Variants in SDF2 observed in about 807,000 individuals in gnomAD.
SDF2 encodes stromal cell derived factor 2.
Under a neutral mutation model 20.5 loss-of-function variants are expected in SDF2, and 12 were observed. The ratio of observed to expected loss-of-function variants is 0.58; its 90% CI spans 0.37 to 0.95. SDF2 has a LOEUF of 0.95. Among genes scored for constraint, SDF2 ranks in the 40% least tolerant of loss-of-function variants. The probability of loss-of-function intolerance (pLI) is 0.01; values close to 1 mark genes in which losing one functional copy is unlikely to be tolerated. For synonymous variants in SDF2, 100 were observed against 101.0 expected (o/e 0.99, Z 0.06); for missense variants, 238 against 263.1 (o/e 0.90, Z 0.66).
Position 28,656,582 on chromosome 17 carries a change from C to T in SDF2, c.152-1099G>A, listed in dbSNP as rs149652369. 1.0e-3 allele frequency among the ~76,000 whole-genome samples: 153 copies of T among 151,844 alleles called. No homozygotes were observed. In the East Asian group the frequency reaches 0.026, roughly 26 times the overall value. On this transcript the variant is annotated intron_variant, in intron 1 of 2. Transcript: ENST00000247020. Reference sequence around the variant, plus strand: ...CAGCCTGGATGACAGAGCCAGACTCCGTCTCAAAAAAAATAAATAAATAAA... The same window carrying T: ...CAGCCTGGATGACAGAGCCAGACTCTGTCTCAAAAAAAATAAATAAATAAA...
At chr17:28,653,925 TA>T (rs1328619987) in intron 2 of SDF2, among the ~76,000 whole-genome samples, 2 of 152,062 alleles carry the variant, frequency 1.3e-5, no homozygotes, top group African/African-American at 4.8e-5. Flanking sequence ...CCTTCGAAGG[TA>T]AGATATTAAT....
chr17:28,660,071 T>C (rs767154495), intron 1 of SDF2, among the ~76,000 whole-genome samples: 11 of 152,250 alleles, frequency 7.2e-5, no homozygotes, highest in Non-Finnish European at 1.2e-4. Flanking sequence ...AAACCCCGTC[T>C]CCACCAAAAA....
At chr17:28,649,800 A>G (rs2151580429) in intron 2 of SDF2, among the ~76,000 whole-genome samples, 1 of 150,386 alleles carries the variant, frequency 6.6e-6, no homozygotes, top group South Asian at 2.1e-4. Flanking sequence ...TATGGTACCC[A>G]GCTACTACAG....
chr17:28,655,053 C>T (rs1377190922), intron 2 of SDF2, among the ~76,000 whole-genome samples: 1 of 152,148 alleles, frequency 6.6e-6, no homozygotes, highest in Non-Finnish European at 1.5e-5. Flanking sequence ...TTGCTTGAAC[C>T]CAGAGGCGGA....
chr17:28,661,744 C>T lies in SDF2; in HGVS notation c.133G>A (p.Asp45Asn). 1 of 1,613,888 alleles carries T rather than the reference C, an allele frequency of 6.2e-7. No homozygotes were observed. Among genetic ancestry groups the T allele is most frequent in the South Asian group, 1.1e-5 (1 of 91,084 alleles). The change falls in exon 1 of 3, where the codon GAC becomes AAC. Residue 45 changes from aspartate (D) to asparagine (N), a missense_variant. By Grantham distance (23) the Asp-to-Asn change is conservative. Coordinates refer to ENST00000247020, the MANE Select transcript of SDF2 (RefSeq NM_006923.4). ...GCATTACCTGACCCATAGCGCACGT[C>T]GTGTGAGTGCAGTCGGACGTTGTGG... The part of the protein sequence containing the change: ...TRHNVRLHSH[D>N]VRYGSGSGQQ...
At chr17:28,657,525 G>A (rs905638680) in intron 1 of SDF2, among the ~76,000 whole-genome samples, 3 of 151,762 alleles carry the variant, frequency 2.0e-5, no homozygotes, top group Non-Finnish European at 4.4e-5. Flanking sequence ...AGCCTCCCAA[G>A]TAGCTGGGAT....
chr17:28,654,679 C>T (rs1346548283), intron 2 of SDF2, among the ~76,000 whole-genome samples: 5 of 151,858 alleles, frequency 3.3e-5, no homozygotes, highest in African/African-American at 9.7e-5. Flanking sequence ...AGGCCAGGCG[C>T]GGTGACTTGC....
intron 2 of SDF2, among the ~76,000 whole-genome samples, chr17:28,650,928 A>G (rs537049320): frequency 6.7e-6 from 1 of 148,724 alleles, no homozygotes; most frequent in Admixed American, 6.7e-5. Context: ...ACAGGCATAT[A>G]CCACCACACC....
intron 2 of SDF2, chr17:28,651,464 G>A (rs898659862): frequency 2.0e-5 from 3 of 152,190 alleles, no homozygotes; most frequent in Non-Finnish European, 4.4e-5. Flanking sequence ...AAAAGGGAAT[G>A]GACTCTGGGA....
chr17:28,655,713 T>G, intron 1 of SDF2: 10 of 593,390 alleles, frequency 1.7e-5, no homozygotes, highest in Non-Finnish European at 3.0e-5. Flanking sequence ...GCCAAAGCCT[T>G]AGACAAGGGC....
At position 28,661,754 on chromosome 17, in the gene SDF2, C is replaced by A; in HGVS notation, c.123G>T (p.Leu41=). The A allele has an allele frequency of 2.5e-6, 4 of 1,614,050 alleles. No individual in the cohort carries two copies. The highest frequency in any genetic ancestry group is 3.4e-6 in the Non-Finnish European group (4 of 1,179,966). The stretch of plus-strand genomic sequence containing the variant: ...ACCCATAGCGCACGTCGTGTGAGTG[C>A]AGTCGGACGTTGTGGCGCGTATTGA... ...KLLNTRHNVR[L]HSHDVRYGSG... Residue 41 remains leucine (L), a synonymous_variant, in exon 1 of 3, where the codon CTG becomes CTT. Transcript: ENST00000247020.
In SDF2 at chr17:28,649,067, G is replaced by A; in HGVS notation, c.558C>T (p.Asn186=). 1 of 1,614,224 alleles carries A rather than the reference G, an allele frequency of 6.2e-7. No homozygotes were observed. Among genetic ancestry groups the A allele is most frequent in the South Asian group, 1.1e-5 (1 of 91,086 alleles). The change falls in exon 3 of 3, where the codon AAC becomes AAT. Residue 186 remains asparagine (N), a synonymous_variant. Coordinates refer to ENST00000247020, the MANE Select transcript of SDF2 (RefSeq NM_006923.4). Reference sequence around the variant, plus strand: ...AGATGCCTTCCATGGCTTTCCAGTAGTTGTTCTGACTTGGCTGGGCCATGC... The same window carrying A: ...AGATGCCTTCCATGGCTTTCCAGTAATTGTTCTGACTTGGCTGGGCCATGC... ...VHGMAQPSQN[N]YWKAMEGIFM...
chr17:28,652,868 C>T (rs1567676298), intron 2 of SDF2, among the ~76,000 whole-genome samples: 2 of 152,150 alleles, frequency 1.3e-5, no homozygotes, highest in Non-Finnish European at 2.9e-5. Flanking sequence ...TGCCAATGGA[C>T]ACAAAGCCAG....
intron 2 of SDF2, among the ~76,000 whole-genome samples, chr17:28,650,290 C>T (rs1330865757): frequency 6.7e-6 from 1 of 150,110 alleles, no homozygotes; most frequent in Non-Finnish European, 1.5e-5. Flanking sequence ...TGGAAAAAGA[C>T]GAAAGACATA....
Position 28,659,689 on chromosome 17 carries a change from C to T in SDF2, c.151+2037G>A, listed in dbSNP as rs1485492786. 5.4e-5 allele frequency among the ~76,000 whole-genome samples: 8 copies of T among 148,116 alleles called. No individual in the cohort carries two copies. In the East Asian group the frequency reaches 6.0e-4, roughly 11 times the overall value. On this transcript the variant is annotated intron_variant, in intron 1 of 2. Transcript: ENST00000247020. ...CTCACATCCCAGACAGGGTGATGGC[C>T]GGGCAGAGGTGCTCCTCACTTCCCA...
intron 1 of SDF2, chr17:28,660,653 G>A (rs1390192210): frequency 2.0e-5 from 3 of 152,504 alleles, no homozygotes; most frequent in African/African-American, 7.2e-5. Flanking sequence ...AACATGGTAG[G>A]TGTTCACTGA....
chr17:28,649,153 G>A lies in SDF2; in HGVS notation c.472C>T (p.Leu158=). Residue 158 remains leucine, a synonymous_variant, in exon 3 of 3, where the codon CTG becomes TTG. Transcript: ENST00000247020. ...VRFKHSSTEV[L]LSVTGEQYGR... is the part of the protein sequence containing the mutation. Reference sequence around the variant, plus strand: ...TATTGTTCTCCTGTGACAGACAGCAGTACCTCAGTGGAAGAGTGTTTGAAC... The same window carrying A: ...TATTGTTCTCCTGTGACAGACAGCAATACCTCAGTGGAAGAGTGTTTGAAC... The A allele has an allele frequency of 6.2e-7, 1 of 1,614,232 alleles. No homozygotes were observed. Among genetic ancestry groups the A allele is most frequent in the Non-Finnish European group, 8.5e-7 (1 of 1,180,048 alleles).
upstream of SDF2, chr17:28,661,907 G>A (rs772644361): frequency 7.6e-6 from 12 of 1,581,462 alleles, no homozygotes; most frequent in East Asian, 2.3e-5. Flanking sequence ...CCAAATCTTC[G>A]AAGAAAACTC....
At chr17:28,657,579 G>A (rs940988366) in intron 1 of SDF2, among the ~76,000 whole-genome samples, 9 of 151,690 alleles carry the variant, frequency 5.9e-5, no homozygotes. Flanking sequence ...TCTATTTTTT[G>A]TAGAGATGGG....
Sources: allele counts gnomAD v4.1 joint callset (sites outside exome capture counted in the v4.1 genomes callset), GRCh38; gene constraint gnomAD v4.1.1; transcripts MANE v1.5; gene names NCBI Gene and HGNC (gene_info 2026-07-23, HGNC 2026-07-21).